Variants in HS3ST4 observed in about 807,000 individuals in gnomAD.
The protein encoded by HS3ST4 is heparan sulfate glucosamine 3-O-sulfotransferase 4.
In HS3ST4, 17 loss-of-function variants were observed where a neutral mutation model predicts 29.2. The ratio of observed to expected loss-of-function variants is 0.58; its 90% CI spans 0.40 to 0.87. The LOEUF (loss-of-function observed/expected upper bound fraction) is 0.87. Among genes scored for constraint, HS3ST4 ranks in the 40% least tolerant of loss-of-function variants. HS3ST4 has a pLI of 0.00. For synonymous variants in HS3ST4, 314 were observed against 285.7 expected (o/e 1.10, Z -1.00); for missense variants, 627 against 634.5 (o/e 0.99, Z 0.13).
intron 1 of HS3ST4, among the ~76,000 whole-genome samples, chr16:25,809,576 T>C (rs945356926): frequency 6.6e-6 from 1 of 152,216 alleles, no homozygotes; most frequent in Admixed American, 6.5e-5. Context: ...CTGTGTCCAA[T>C]TGATGTATAT....
chr16:25,742,325 G>A (rs1353127999), intron 1 of HS3ST4, among the ~76,000 whole-genome samples: 1 of 152,166 alleles, frequency 6.6e-6, no homozygotes, highest in Non-Finnish European at 1.5e-5. Context: ...GTAAAGAGAA[G>A]CCTCCTTCCT....
chr16:25,895,216 A>G (rs1968048284), intron 1 of HS3ST4, among the ~76,000 whole-genome samples: 3 of 152,096 alleles, frequency 2.0e-5, no homozygotes, highest in Admixed American at 2.0e-4. Flanking sequence ...CCATGCCTAC[A>G]AAGGCCCTAA....
intron 1 of HS3ST4, among the ~76,000 whole-genome samples, chr16:26,094,393 C>T (rs568526772): frequency 2.0e-5 from 3 of 152,110 alleles, no homozygotes; most frequent in Non-Finnish European, 4.4e-5. Context: ...AAAGGGAAGC[C>T]CATCAGACTA....
intron 1 of HS3ST4, among the ~76,000 whole-genome samples, chr16:25,723,197 A>G (rs1331292151): frequency 6.6e-6 from 1 of 152,218 alleles, no homozygotes; most frequent in Non-Finnish European, 1.5e-5. Flanking sequence ...GACACGGCTA[A>G]ACCATATTAA....
chr16:25,782,369 A>C (rs768783179), intron 1 of HS3ST4, among the ~76,000 whole-genome samples: 4 of 152,104 alleles, frequency 2.6e-5, no homozygotes, highest in African/African-American at 4.8e-5. Flanking sequence ...GGTTTGTTTG[A>C]CTTCATAGAA....
chr16:25,910,742 A>G (rs1412055974), intron 1 of HS3ST4, among the ~76,000 whole-genome samples: 1 of 152,038 alleles, frequency 6.6e-6, no homozygotes, highest in Non-Finnish European at 1.5e-5. Context: ...CTGAAATTCC[A>G]CCTACAAAAA....
chr16:26,098,045 C>T (rs12597406), intron 1 of HS3ST4, among the ~76,000 whole-genome samples: 76,596 of 151,834 alleles, frequency 0.5, 19,581 homozygotes, highest in Middle Eastern at 0.6. Context: ...TACCATCTCA[C>T]GCCAGTTAGA....
At chr16:26,089,385 A>AT (rs542834132) in intron 1 of HS3ST4, among the ~76,000 whole-genome samples, 2 of 152,210 alleles carry the variant, frequency 1.3e-5, no homozygotes, top group African/African-American at 4.8e-5. Context: ...ATCCAGCTTG[A>AT]TTTTTGCAGT....
chr16:26,042,179 A>G (rs1969641528), intron 1 of HS3ST4, among the ~76,000 whole-genome samples: 1 of 152,144 alleles, frequency 6.6e-6, no homozygotes, highest in East Asian at 1.9e-4. Context: ...GAAACCTTTC[A>G]CGCCCCAGCA....
intron 1 of HS3ST4, among the ~76,000 whole-genome samples, chr16:25,768,551 T>A (rs1455016572): frequency 6.6e-6 from 1 of 152,078 alleles, no homozygotes; most frequent in African/African-American, 2.4e-5. Flanking sequence ...AGATTGGACA[T>A]TTTGCAGACC....
chr16:25,970,365 C>T (rs1448273207), intron 1 of HS3ST4, among the ~76,000 whole-genome samples: 2 of 152,182 alleles, frequency 1.3e-5, no homozygotes, highest in Non-Finnish European at 2.9e-5. Flanking sequence ...TTTGCCCCTC[C>T]ATTATTTTAA....
At chr16:25,867,298 G>A (rs1439764309) in intron 1 of HS3ST4, among the ~76,000 whole-genome samples, 1 of 152,128 alleles carries the variant, frequency 6.6e-6, no homozygotes, top group Non-Finnish European at 1.5e-5. Flanking sequence ...GGACTGGCAG[G>A]AGGAGGGTGA....
At chr16:25,706,541 C>T (rs1201196973) in intron 1 of HS3ST4, among the ~76,000 whole-genome samples, 4 of 152,064 alleles carry the variant, frequency 2.6e-5, no homozygotes, top group African/African-American at 9.7e-5. Flanking sequence ...TAGCTCCCCA[C>T]CCCCCGACAG....
rs115046997 is a variant in HS3ST4, at chr16:25,813,088, G to A, written c.734+119937G>A. ...TCCAGAACGTATAAAGAACGCCTAC[G>A]TATCTACAATACAAATACACAAGCA... is the stretch of plus-strand genomic sequence containing the variant. On this transcript the variant is annotated intron_variant, in intron 1 of 1. Transcript: ENST00000331351. Among the ~76,000 whole-genome samples the A allele has an allele frequency of 6.1e-3, 935 of 152,236 alleles. 9 individuals carry two copies. Among genetic ancestry groups the A allele is most frequent in the Middle Eastern group, 0.02 (6 of 294 alleles).
At chr16:25,781,879 C>A (rs1261842781) in intron 1 of HS3ST4, among the ~76,000 whole-genome samples, 2 of 152,110 alleles carry the variant, frequency 1.3e-5, no homozygotes, top group Non-Finnish European at 2.9e-5. Flanking sequence ...AGTGTTTCCT[C>A]CCTTCTTGCT....
chr16:25,813,179 T>C (rs2141629371), intron 1 of HS3ST4, among the ~76,000 whole-genome samples: 1 of 152,290 alleles, frequency 6.6e-6, no homozygotes, highest in East Asian at 1.9e-4. Context: ...GGCTAATAAG[T>C]GGATGAAAAG....
At chr16:26,066,432 T>G (rs1898543431) in intron 1 of HS3ST4, among the ~76,000 whole-genome samples, 1 of 152,218 alleles carries the variant, frequency 6.6e-6, no homozygotes, top group African/African-American at 2.4e-5. Context: ...TTTTGTACTA[T>G]CTGATATTTG....
chr16:25,914,521 G>A (rs536032301), intron 1 of HS3ST4, among the ~76,000 whole-genome samples: 82 of 151,256 alleles, frequency 5.4e-4, no homozygotes, highest in Non-Finnish European at 8.1e-4. Context: ...GGGAGGTGCG[G>A]TGTGCATGTA....
rs1383717665 is a variant in HS3ST4, at chr16:25,937,730, C to A, written c.735-197882C>A. On this transcript the variant is annotated intron_variant, in intron 1 of 1. Coordinates refer to ENST00000331351, the MANE Select transcript of HS3ST4 (RefSeq NM_006040.3). ...ATCACAGCTTATGATTGGGGCATAG[C>A]TCTGATGTGCTGTGCAAGTGTTTTC... 2.0e-5 allele frequency among the ~76,000 whole-genome samples: 3 copies of A among 152,174 alleles called. No individual in the cohort carries two copies. The East Asian group carries it at 5.8e-4, about 29-fold the overall frequency.
Sources: allele counts gnomAD v4.1 joint callset (sites outside exome capture counted in the v4.1 genomes callset), GRCh38; gene constraint gnomAD v4.1.1; transcripts MANE v1.5; gene names NCBI Gene and HGNC (gene_info 2026-07-23, HGNC 2026-07-21).